The following CHCHD6 variants were observed in gnomAD, a reference collection of about 807,000 sequenced individuals.
CHCHD6 encodes the protein MICOS complex subunit MIC25.
A neutral mutation model predicts 32.3 loss-of-function variants in CHCHD6; 28 were observed. The ratio of observed to expected loss-of-function variants is 0.87; its 90% CI spans 0.64 to 1.19. The LOEUF is 1.19. Ranked by LOEUF, CHCHD6 falls within the 50% of genes most tolerant of loss-of-function variation. CHCHD6 has a pLI of 0.00. For synonymous variants in CHCHD6, 122 were observed against 117.5 expected (o/e 1.04, Z -0.25); for missense variants, 333 against 307.0 (o/e 1.08, Z -0.63).
chr3:126,946,938 G>A (rs1160476383), intron 6 of CHCHD6, among the ~76,000 whole-genome samples: 1 of 152,260 alleles, frequency 6.6e-6, no homozygotes, highest in Non-Finnish European at 1.5e-5. Flanking sequence ...ATTGATGTCA[G>A]CAGTGATAAT....
chr3:126,816,372 A>G (rs938244969), intron 4 of CHCHD6, among the ~76,000 whole-genome samples: 1 of 152,190 alleles, frequency 6.6e-6, no homozygotes, highest in African/African-American at 2.4e-5. Context: ...TAAGGGCTTT[A>G]GAGCCATTGT....
At chr3:126,852,529 C>G in intron 4 of CHCHD6, 118 bp from the exon 5 acceptor site, 1 of 698,062 alleles carries the variant, frequency 1.4e-6, no homozygotes, top group Non-Finnish European at 2.6e-6. Context: ...GTTTTCAACT[C>G]ATTATTGCTA....
chr3:126,869,075 A>G (rs1054410300), intron 5 of CHCHD6, among the ~76,000 whole-genome samples: 1 of 152,258 alleles, frequency 6.6e-6, no homozygotes, highest in African/African-American at 2.4e-5. Context: ...CTGTGAAAGC[A>G]TGCAAAGTAT....
At chr3:126,958,347 G>A (rs1216658966) in intron 7 of CHCHD6, among the ~76,000 whole-genome samples, 7 of 152,156 alleles carry the variant, frequency 4.6e-5, no homozygotes, top group African/African-American at 1.4e-4. Context: ...CAAGGAGTGC[G>A]GCCTGTTTGT....
At chr3:126,954,159 G>A (rs916015671) in intron 6 of CHCHD6, among the ~76,000 whole-genome samples, 2 of 152,134 alleles carry the variant, frequency 1.3e-5, no homozygotes, top group African/African-American at 4.8e-5. Flanking sequence ...GTTCTGATAA[G>A]TCCCAGGAGA....
At chr3:126,892,941 T>TTTGTTG (rs999523484) in intron 5 of CHCHD6, among the ~76,000 whole-genome samples, 4 of 151,626 alleles carry the variant, frequency 2.6e-5, no homozygotes, top group Middle Eastern at 3.2e-3. Context: ...TTTTTCTTTT[T>TTTGTTG]TTGTTGTTGT....
At chr3:126,905,659 T>TG (rs1207373280) in intron 5 of CHCHD6, among the ~76,000 whole-genome samples, 1 of 151,564 alleles carries the variant, frequency 6.6e-6, no homozygotes, top group Non-Finnish European at 1.5e-5. Flanking sequence ...GTGGCCAGGA[T>TG]GGGGGGTGTG....
Position 126,819,721 on chromosome 3 carries a change from T to C in CHCHD6, c.412-32926T>C, listed in dbSNP as rs201170679. On this transcript the variant is annotated intron_variant, in intron 4 of 7. Transcript: ENST00000290913. ...GTCTCTAAATGGACGTCTGGCTGCATGTCAGCATTTGCTTTTGATGGTATG... is the reference window on the plus strand; with the variant it reads ...GTCTCTAAATGGACGTCTGGCTGCACGTCAGCATTTGCTTTTGATGGTATG... Among the ~76,000 whole-genome samples the C allele has an allele frequency of 2.4e-4, 37 of 152,346 alleles. No homozygotes were observed. The East Asian group carries it at 6.2e-3, about 25-fold the overall frequency.
chr3:126,756,958 A>G (rs976345166), intron 4 of CHCHD6, among the ~76,000 whole-genome samples: 1 of 152,228 alleles, frequency 6.6e-6, no homozygotes, highest in African/African-American at 2.4e-5. Flanking sequence ...TTTCACCTGT[A>G]TCCTTGTGCA....
At chr3:126,711,766 C>T (rs952242600) in intron 1 of CHCHD6, among the ~76,000 whole-genome samples, 5 of 152,216 alleles carry the variant, frequency 3.3e-5, no homozygotes, top group African/African-American at 1.2e-4. Context: ...TGGATGAGTG[C>T]AGTTTGATGG....
intron 4 of CHCHD6, among the ~76,000 whole-genome samples, chr3:126,763,202 C>G (rs1041910203): frequency 6.6e-6 from 1 of 151,822 alleles, no homozygotes; most frequent in Non-Finnish European, 1.5e-5. Context: ...TTCCTTTCCC[C>G]TTTCATCTTT....
intron 4 of CHCHD6, among the ~76,000 whole-genome samples, chr3:126,823,259 G>A (rs1940230482): frequency 6.6e-6 from 1 of 152,094 alleles, no homozygotes; most frequent in Non-Finnish European, 1.5e-5. Flanking sequence ...TCTTTTCTAG[G>A]TCCTTTGTAT....
intron 4 of CHCHD6, among the ~76,000 whole-genome samples, chr3:126,787,702 T>C (rs1938292340): frequency 6.6e-6 from 1 of 152,230 alleles, no homozygotes; most frequent in Non-Finnish European, 1.5e-5. Flanking sequence ...CTGAAGTTGC[T>C]TATCAGCTTA....
At chr3:126,756,601 T>C (rs1322359207) in intron 4 of CHCHD6, among the ~76,000 whole-genome samples, 1 of 152,210 alleles carries the variant, frequency 6.6e-6, no homozygotes, top group Admixed American at 6.5e-5. Context: ...CTGGATAACC[T>C]TGAGCAAATT....
chr3:126,953,742 G>A (rs1243789814), intron 6 of CHCHD6, among the ~76,000 whole-genome samples: 1 of 152,162 alleles, frequency 6.6e-6, no homozygotes, highest in Non-Finnish European at 1.5e-5. Context: ...GAACCCCTTC[G>A]AAGCCACATG....
chr3:126,852,465 G>A (rs1941505718), intron 4 of CHCHD6, among the ~76,000 whole-genome samples, 182 bp from the exon 5 acceptor site: 1 of 152,152 alleles, frequency 6.6e-6, no homozygotes, highest in Non-Finnish European at 1.5e-5. Flanking sequence ...CCACCTTGAA[G>A]GATTGTTGTG....
chr3:126,825,377 G>A lies in CHCHD6; in HGVS notation c.412-27270G>A, dbSNP rs754944444. 2.1e-4 allele frequency among the ~76,000 whole-genome samples: 32 copies of A among 152,188 alleles called. No individual in the cohort carries two copies. The East Asian group carries it at 4.1e-3, about 19-fold the overall frequency. ...ATGTTCCATTGCGCTTGAAAGTAACGTGATTTTGTTTTTACAGTTGTTGGT... is the reference window on the plus strand; with the variant it reads ...ATGTTCCATTGCGCTTGAAAGTAACATGATTTTGTTTTTACAGTTGTTGGT... On this transcript the variant is annotated intron_variant, in intron 4 of 7. Transcript: ENST00000290913.
chr3:126,828,437 C>T (rs1940500096), intron 4 of CHCHD6, among the ~76,000 whole-genome samples: 1 of 152,214 alleles, frequency 6.6e-6, no homozygotes, highest in Admixed American at 6.5e-5. Flanking sequence ...TCAGCTCTGG[C>T]TAACTTAAGT....
At chr3:126,949,015 T>C (rs1037611402) in intron 6 of CHCHD6, among the ~76,000 whole-genome samples, 2 of 152,224 alleles carry the variant, frequency 1.3e-5, no homozygotes, top group African/African-American at 4.8e-5. Context: ...TAAAGGGGCA[T>C]CTCTGCCTTA....
Sources: gnomAD v4.1 joint callset for allele counts (sites outside exome capture counted in the v4.1 genomes callset) on GRCh38, gnomAD v4.1.1 for gene constraint, MANE v1.5 for transcripts, NCBI Gene and HGNC (gene_info 2026-07-23, HGNC 2026-07-21) for gene names.